Variants in NR4A2 observed in about 807,000 individuals in gnomAD.
NR4A2 encodes nuclear receptor subfamily 4 group A member 2, also known as NGFI-B/nur77 beta-type transcription factor homolog.
NR4A2 carries 1 observed loss-of-function variant against 50.5 expected under a neutral mutation model. That is an observed-to-expected ratio of 0.02 (90% confidence interval 0.01 to 0.09). NR4A2 has a LOEUF of 0.09. Ranked by LOEUF, NR4A2 falls within the 10% of genes least tolerant of loss-of-function variation. NR4A2 has a pLI of 1.00. For missense variants in NR4A2, 613 were observed against 777.3 expected (o/e 0.79, Z 2.51); for synonymous variants, 328 against 309.4 (o/e 1.06, Z -0.63).
In NR4A2 at chr2:156,329,196, C is replaced by T. The variant is rs780157958; in HGVS notation, c.864+127G>A. ...TCTCCTGCAGGGCAGCTTCGGCGGACCCCGGAGAGCTGGGCAGTCCCGGGA... is the reference window on the plus strand; with the variant it reads ...TCTCCTGCAGGGCAGCTTCGGCGGATCCCGGAGAGCTGGGCAGTCCCGGGA... On this transcript the variant is annotated intron_variant, in intron 3 of 7. Coordinates refer to ENST00000339562, the MANE Select transcript of NR4A2 (RefSeq NM_006186.4). The surrounding 1 kb of genome is among the most constrained non-coding windows in gnomAD (Gnocchi z 7.5). 1.2e-5 allele frequency: 16 copies of T among 1,373,902 alleles called. No homozygotes were observed. Among genetic ancestry groups the T allele is most frequent in the African/African-American group, 5.7e-5 (4 of 69,734 alleles). The allele number at this position is 1,373,902 out of a possible 1,614,324, so 85.1% of individuals were successfully genotyped here. A position where few individuals can be genotyped will look rare whatever the true frequency, so the allele number is the denominator to read the frequency against.
In NR4A2 at chr2:156,325,277, A is replaced by G. The variant is rs1686586881; in HGVS notation, c.*467T>C. ...GCTTTCTTTACAGCAGAAAACTTTG[A>G]AGTCTTGTTAAAGGGCAATACTTGT... On this transcript the variant is annotated 3_prime_UTR_variant, in exon 8 of 8. Coordinates refer to ENST00000339562, the MANE Select transcript of NR4A2 (RefSeq NM_006186.4). 5.7e-6 allele frequency: 1 copy of G among 175,450 alleles called. No individual in the cohort carries two copies. The highest frequency in any genetic ancestry group is 2.4e-5 in the African/African-American group (1 of 41,914). The allele number at this position is 175,450 out of a possible 1,614,324, so 10.9% of individuals were successfully genotyped here.
chr2:156,327,764 G>T, intron 5 of NR4A2, 87 bp downstream of exon 5: 1 of 1,503,242 alleles, frequency 6.7e-7, no homozygotes, highest in Non-Finnish European at 9.1e-7. Flanking sequence ...TACCCCCGTT[G>T]AATCTGAGAG....
rs972070638 is a variant in NR4A2, at chr2:156,332,464, G to C, written c.-127+16C>G. ...AGCATAAAAGAAGGCGAACTGCATG[G>C]GCTGCATCTACTCACTTAGGAGTTC... On this transcript the variant is annotated intron_variant, in intron 1 of 7. Transcript: ENST00000339562. The C allele has an allele frequency of 1.2e-5, 16 of 1,288,164 alleles. No individual in the cohort carries two copies. The African/African-American group carries it at 2.1e-4, about 17-fold the overall frequency. The allele number at this position is 1,288,164 out of a possible 1,614,324, so 79.8% of individuals were successfully genotyped here. A position where few individuals can be genotyped will look rare whatever the true frequency, so the allele number is the denominator to read the frequency against.
chr2:156,329,861 T>TG lies in NR4A2; in HGVS notation c.325dup (p.Gln109ProfsTer3), dbSNP rs774629025. ...GGAGTGCGGCATCATCTCCTCAGAC[T>TG]GGGGGGGCAGGTGGCTGTGTTGCTG... On this transcript the variant is annotated frameshift_variant, in exon 3 of 8. Coordinates refer to ENST00000339562, the MANE Select transcript of NR4A2 (RefSeq NM_006186.4). LOFTEE classifies it high-confidence loss of function. This position sits in a 1 kb window ranked among gnomAD's most constrained non-coding sequence, Gnocchi z 7.5. 6.2e-7 allele frequency: 1 copy of TG among 1,613,794 alleles called. No homozygotes were observed.
At position 156,325,898 on chromosome 2, in the gene NR4A2, C is replaced by T. The variant is rs770404139; in HGVS notation, c.1643G>A (p.Arg548His). ...CAACAGTTTGGACAAATAATTGGGGCGGTTCAACCCCCCATTGTTGAAAGT... is the reference window on the plus strand; with the variant it reads ...CAACAGTTTGGACAAATAATTGGGGTGGTTCAACCCCCCATTGTTGAAAGT... ...HVTFNNGGLN[R>H]PNYLSKLLGK... is the part of the protein sequence containing the mutation. The change falls in exon 8 of 8, where the codon CGC becomes CAC. Residue 548 changes from arginine (R) to histidine (H), a missense_variant. Physicochemically the swap from Arg to His is conservative, Grantham distance 29. This residue lies in a region of NR4A2 where 250 missense variants were observed against 311.3 expected (regional missense o/e 0.80). Coordinates refer to ENST00000339562, the MANE Select transcript of NR4A2 (RefSeq NM_006186.4). The T allele has an allele frequency of 1.1e-5, 18 of 1,614,066 alleles. No homozygotes were observed. The highest frequency in any genetic ancestry group is 3.3e-5 in the South Asian group (3 of 91,076).
At chr2:156,327,721 C>T in intron 5 of NR4A2, 130 bp downstream of exon 5, 5 of 1,116,858 alleles carry the variant, frequency 4.5e-6, no homozygotes, top group Non-Finnish European at 6.6e-6. Flanking sequence ...CTGGCCAGAG[C>T]TGCGAGGCAT....
chr2:156,325,840 T>A lies in NR4A2; in HGVS notation c.1701A>T (p.Thr567=), dbSNP rs1211501450. The change falls in exon 8 of 8, where the codon ACA becomes ACT. Residue 567 remains threonine, a synonymous_variant. Coordinates refer to ENST00000339562, the MANE Select transcript of NR4A2 (RefSeq NM_006186.4). ...GKLPELRTLC[T]QGLQRIFYLK... ...GGTAGAAAATGCGCTGTAGCCCCTG[T>A]GTGCAAAGGGTACGAAGTTCTGGGA... The A allele has an allele frequency of 6.8e-6, 11 of 1,614,096 alleles. No individual in the cohort carries two copies. The highest frequency in any genetic ancestry group is 9.3e-6 in the Non-Finnish European group (11 of 1,180,044).
Position 156,329,218 on chromosome 2 carries a change from G to A in NR4A2, c.864+105C>T. On this transcript the variant is annotated intron_variant, in intron 3 of 7. Coordinates refer to ENST00000339562, the MANE Select transcript of NR4A2 (RefSeq NM_006186.4). This position sits in a 1 kb window ranked among gnomAD's most constrained non-coding sequence, Gnocchi z 7.5. The stretch of plus-strand genomic sequence containing the variant: ...GGACCCCGGAGAGCTGGGCAGTCCC[G>A]GGAGAGCTGGGGCTGGGCTACTGGC... The A allele has an allele frequency of 6.7e-6, 10 of 1,490,158 alleles. No homozygotes were observed. The highest frequency in any genetic ancestry group is 1.2e-5 in the South Asian group (1 of 82,842). The allele number at this position is 1,490,158 out of a possible 1,614,324, so 92.3% of individuals were successfully genotyped here. A position where few individuals can be genotyped will look rare whatever the true frequency, so the allele number is the denominator to read the frequency against.
At position 156,326,826 on chromosome 2, in the gene NR4A2, C is replaced by T. The variant is rs768433726; in HGVS notation, c.1253G>A (p.Arg418Gln). The change falls in exon 6 of 8, where the codon CGG becomes CAG. Residue 418 changes from arginine to glutamine, a missense_variant. Physicochemically the swap from Arg to Gln is conservative, Grantham distance 43 (BLOSUM62 1). This residue lies in a region of NR4A2 where 250 missense variants were observed against 311.3 expected (regional missense o/e 0.80). Transcript: ENST00000339562. This position sits in a 1 kb window ranked among gnomAD's most constrained non-coding sequence, Gnocchi z 4.2. ...DLLTGSMEIIRGWAEKIPGFA... is the reference protein window; with the variant it reads ...DLLTGSMEIIQGWAEKIPGFA... ...GCCAGGGATCTTCTCTGCCCAGCCCCGGATGATCTCCATGGAGCCAGTCAG... is the reference window on the plus strand; with the variant it reads ...GCCAGGGATCTTCTCTGCCCAGCCCTGGATGATCTCCATGGAGCCAGTCAG... The T allele has an allele frequency of 1.3e-5, 21 of 1,614,074 alleles. No individual in the cohort carries two copies. Among genetic ancestry groups the T allele is most frequent in the Non-Finnish European group, 8.5e-7 (1 of 1,180,050 alleles).
At position 156,329,078 on chromosome 2, in the gene NR4A2, G is replaced by A. The variant is rs1686786180; in HGVS notation, c.864+245C>T. Among the ~76,000 whole-genome samples, 2 of 152,200 alleles carry A rather than the reference G, an allele frequency of 1.3e-5. No homozygotes were observed. The highest frequency in any genetic ancestry group is 4.8e-5 in the African/African-American group (2 of 41,450). ...AGCAACTTCGGGCGGGGGCCAGCCG[G>A]GTCGGCTGAATGCGAGGGGGATGCG... On this transcript the variant is annotated intron_variant, in intron 3 of 7. Transcript: ENST00000339562. The surrounding 1 kb of genome is among the most constrained non-coding windows in gnomAD (Gnocchi z 7.5).
chr2:156,326,623 T>C lies in NR4A2; in HGVS notation c.1361+95A>G, dbSNP rs753612789. 2.2e-6 allele frequency: 3 copies of C among 1,354,442 alleles called. No homozygotes were observed. Among genetic ancestry groups the C allele is most frequent in the Non-Finnish European group, 3.1e-6 (3 of 953,566 alleles). The allele number at this position is 1,354,442 out of a possible 1,614,324, so 83.9% of individuals were successfully genotyped here. A position where few individuals can be genotyped will look rare whatever the true frequency, so the allele number is the denominator to read the frequency against. On this transcript the variant is annotated intron_variant, in intron 6 of 7. Transcript: ENST00000339562. The surrounding 1 kb of genome is among the most constrained non-coding windows in gnomAD (Gnocchi z 4.2). Reference sequence around the variant, plus strand: ...TTCCATTTCCTATTCTGTCTTTTTCTCTACCCCACCCTCTGGTTTCCCTTC... The same window carrying C: ...TTCCATTTCCTATTCTGTCTTTTTCCCTACCCCACCCTCTGGTTTCCCTTC...
rs547013920 is a variant in NR4A2, at chr2:156,328,115, T to A, written c.995-101A>T. 4 of 1,470,872 alleles carry A rather than the reference T, an allele frequency of 2.7e-6. No individual in the cohort carries two copies. Among genetic ancestry groups the A allele is most frequent in the Non-Finnish European group, 3.7e-6 (4 of 1,076,244 alleles). 91.1% of individuals were successfully genotyped at this position (1,470,872 alleles called of 1,614,324 possible). A position where few individuals can be genotyped will look rare whatever the true frequency, so the allele number is the denominator to read the frequency against. On this transcript the variant is annotated intron_variant, in intron 4 of 7. Transcript: ENST00000339562. This position sits in a 1 kb window ranked among gnomAD's most constrained non-coding sequence, Gnocchi z 4.9. The stretch of plus-strand genomic sequence containing the variant: ...AGGCCGCAGCCGCGGGGCACCAGGC[T>A]GAGCGGCTGAGGGCCCCAGTGCTTG...
At chr2:156,327,652 T>A (rs771935216) in intron 5 of NR4A2, among the ~76,000 whole-genome samples, 199 bp downstream of exon 5, 6 of 152,186 alleles carry the variant, frequency 3.9e-5, no homozygotes, top group Admixed American at 1.3e-4. Context: ...TCCTCCATCC[T>A]GTCCTCATGT....
chr2:156,330,734 CA>C lies in NR4A2; in HGVS notation c.-70del. Reference sequence around the variant, plus strand: ...GACAGTGTCGTAATTCAATGAAGGACAAAGTTTCCAAGATTTTTAGAAAAGC... The same window carrying C: ...GACAGTGTCGTAATTCAATGAAGGACAAGTTTCCAAGATTTTTAGAAAAGC... On this transcript the variant is annotated 5_prime_UTR_variant, in exon 2 of 8. Transcript: ENST00000339562. The C allele has an allele frequency of 8.0e-7, 1 of 1,256,388 alleles. No homozygotes were observed. The highest frequency in any genetic ancestry group is 3.7e-5 in the Admixed American group (1 of 26,986). 77.8% of individuals were successfully genotyped at this position (1,256,388 alleles called of 1,614,324 possible).
intron 1 of NR4A2, among the ~76,000 whole-genome samples, chr2:156,331,307 G>C (rs1686913286): frequency 1.3e-5 from 2 of 152,224 alleles, no homozygotes; most frequent in Middle Eastern, 6.3e-3. Flanking sequence ...CCTTGACTGA[G>C]AAGGCAAGTT....
chr2:156,330,729 A>C lies in NR4A2; in HGVS notation c.-64T>G. The stretch of plus-strand genomic sequence containing the variant: ...AGGTGGACAGTGTCGTAATTCAATG[A>C]AGGACAAAGTTTCCAAGATTTTTAG... On this transcript the variant is annotated 5_prime_UTR_variant, in exon 2 of 8. Coordinates refer to ENST00000339562, the MANE Select transcript of NR4A2 (RefSeq NM_006186.4). 8.0e-7 allele frequency: 1 copy of C among 1,257,784 alleles called. No homozygotes were observed. The highest frequency in any genetic ancestry group is 1.0e-6 in the Non-Finnish European group (1 of 1,001,528). 77.9% of individuals were successfully genotyped at this position (1,257,784 alleles called of 1,614,324 possible). A position where few individuals can be genotyped will look rare whatever the true frequency, so the allele number is the denominator to read the frequency against.
chr2:156,332,246 G>A (rs923239767), intron 1 of NR4A2, among the ~76,000 whole-genome samples: 3 of 152,126 alleles, frequency 2.0e-5, no homozygotes, highest in African/African-American at 7.2e-5. Context: ...CCACCAATGA[G>A]GAGCCTGGAA....
intron 1 of NR4A2, chr2:156,331,922 A>C (rs528111382): frequency 6.5e-6 from 1 of 154,964 alleles, no homozygotes; most frequent in Non-Finnish European, 1.4e-5. Context: ...ACATTCGCAA[A>C]CCCAAGGACA....
chr2:156,330,701 T>A lies in NR4A2; in HGVS notation c.-36A>T. On this transcript the variant is annotated 5_prime_UTR_variant, in exon 2 of 8. Transcript: ENST00000339562. The stretch of plus-strand genomic sequence containing the variant: ...GAGTTACAGGCGTTTTCGAGGAAAT[T>A]AAAGGTGGACAGTGTCGTAATTCAA... 1 of 1,271,082 alleles carries A rather than the reference T, an allele frequency of 7.9e-7. No homozygotes were observed. The highest frequency in any genetic ancestry group is 9.9e-7 in the Non-Finnish European group (1 of 1,009,304). 78.7% of individuals were successfully genotyped at this position (1,271,082 alleles called of 1,614,324 possible).
Sources: gnomAD v4.1 joint callset for allele counts (sites outside exome capture counted in the v4.1 genomes callset) on GRCh38, gnomAD v4.1.1 for gene constraint, gnomAD v4.1.1 regional missense constraint, Gnocchi (gnomAD v3.1) non-coding constraint, MANE v1.5 for transcripts, NCBI Gene and HGNC (gene_info 2026-07-23, HGNC 2026-07-21) for gene names.